Variants in CAMTA1 observed in about 807,000 individuals in gnomAD.
CAMTA1 encodes the protein calmodulin binding transcription activator 1.
CAMTA1 carries 27 observed loss-of-function variants against 170.9 expected under a neutral mutation model. That is an observed-to-expected ratio of 0.16 (90% CI 0.12 to 0.22). CAMTA1 has a LOEUF of 0.22. CAMTA1 is among the 10% of genes least tolerant of loss of function. CAMTA1 has a pLI of 1.00. For synonymous variants in CAMTA1, 833 were observed against 891.5 expected (o/e 0.93, Z 1.17); for missense variants, 1,619 against 2,217.2 (o/e 0.73, Z 5.42).
intron 5 of CAMTA1, among the ~76,000 whole-genome samples, chr1:7,432,361 T>C (rs757236499): frequency 1.3e-5 from 2 of 152,194 alleles, no homozygotes; most frequent in Non-Finnish European, 2.9e-5. Context: ...TAACTATAAA[T>C]TGGTGTCCCA....
At chr1:6,963,845 G>T (rs1231796705) in intron 3 of CAMTA1, among the ~76,000 whole-genome samples, 3 of 152,230 alleles carry the variant, frequency 2.0e-5, no homozygotes, top group Non-Finnish European at 2.9e-5. Context: ...CTAACAATGG[G>T]AAAGGGCCAG....
In CAMTA1 at chr1:7,337,358, C is replaced by T. The variant is rs1487046413; in HGVS notation, c.438+87732C>T. 3.3e-5 allele frequency among the ~76,000 whole-genome samples: 5 copies of T among 152,294 alleles called. No homozygotes were observed. The East Asian group carries it at 7.7e-4, about 24-fold the overall frequency. ...ATTTCATCTGTCAATTTGACCCGGC[C>T]GTGGTACCCAGATGTCGGTCAAACA... On this transcript the variant is annotated intron_variant, in intron 5 of 22. Coordinates refer to ENST00000303635, the MANE Select transcript of CAMTA1 (RefSeq NM_015215.4).
chr1:6,853,638 A>T (rs780668313), intron 3 of CAMTA1, among the ~76,000 whole-genome samples: 1 of 152,180 alleles, frequency 6.6e-6, no homozygotes, highest in Non-Finnish European at 1.5e-5. Context: ...TAAAAAGCAA[A>T]GATTGGGAAA....
At chr1:7,518,959 C>T (rs539321814) in intron 6 of CAMTA1, among the ~76,000 whole-genome samples, 1 of 152,096 alleles carries the variant, frequency 6.6e-6, no homozygotes, top group Admixed American at 6.5e-5. Context: ...GGGCCCCCGG[C>T]CCTGTGCCAG....
At position 7,472,758 on chromosome 1, in the gene CAMTA1, C is replaced by T. The variant is rs571199262; in HGVS notation, c.510+4857C>T. ...GCAGGGCACAGGGGTGCCATCACCC[C>T]CTAGAGCAGGCACCGTGAGACTAAG... On this transcript the variant is annotated intron_variant, in intron 6 of 22. Transcript: ENST00000303635. Among the ~76,000 whole-genome samples, 4 of 152,246 alleles carry T rather than the reference C, an allele frequency of 2.6e-5. No individual in the cohort carries two copies. The East Asian group carries it at 7.8e-4, about 30-fold the overall frequency.
At chr1:6,977,081 C>T (rs933268582) in intron 3 of CAMTA1, among the ~76,000 whole-genome samples, 2 of 152,166 alleles carry the variant, frequency 1.3e-5, no homozygotes, top group African/African-American at 4.8e-5. Context: ...TATCCAGTCT[C>T]GGGTCTGTCT....
intron 3 of CAMTA1, among the ~76,000 whole-genome samples, chr1:6,975,309 A>G (rs1035529106): frequency 6.6e-6 from 1 of 152,196 alleles, no homozygotes; most frequent in Admixed American, 6.5e-5. Context: ...TTCGGTAAAA[A>G]TTAAGAAGCA....
At chr1:6,795,355 GT>G (rs35720197) in intron 1 of CAMTA1, among the ~76,000 whole-genome samples, 31,767 of 149,190 alleles carry the variant, frequency 0.21, 3,954 homozygotes, top group Non-Finnish European at 0.28. Flanking sequence ...GGCTGCTTAG[GT>G]TTTTTTTTTC....
intron 3 of CAMTA1, among the ~76,000 whole-genome samples, chr1:6,957,624 C>T (rs1398834983): frequency 6.6e-6 from 1 of 152,160 alleles, no homozygotes; most frequent in Non-Finnish European, 1.5e-5. Context: ...TCTTCTGCCT[C>T]TTCTTTATCT....
rs1360086783 is a variant in CAMTA1 at position 7,325,939 on chromosome 1, A to G, written c.438+76313A>G. 2.6e-5 allele frequency among the ~76,000 whole-genome samples: 4 copies of G among 152,086 alleles called. No homozygotes were observed. Among genetic ancestry groups the G allele is most frequent in the Non-Finnish European group, 5.9e-5 (4 of 68,022 alleles). On this transcript the variant is annotated intron_variant, in intron 5 of 22. Coordinates refer to ENST00000303635, the MANE Select transcript of CAMTA1 (RefSeq NM_015215.4). The surrounding 1 kb of genome is among the most constrained non-coding windows in gnomAD (Gnocchi z 5.0). The stretch of plus-strand genomic sequence containing the variant: ...AGTGGTGTAATCTTGGCTCATTGCA[A>G]CCGCTGCCTCCCAGGTTCAAGTGAT...
intron 3 of CAMTA1, among the ~76,000 whole-genome samples, chr1:6,972,360 C>T (rs1692700067): frequency 2.0e-5 from 3 of 152,124 alleles, no homozygotes; most frequent in Admixed American, 2.0e-4. Flanking sequence ...TTTACTCATG[C>T]CTTTGAGTAA....
At chr1:6,813,944 G>A (rs902793025) in intron 1 of CAMTA1, among the ~76,000 whole-genome samples, 3 of 152,108 alleles carry the variant, frequency 2.0e-5, no homozygotes, top group African/African-American at 7.2e-5. Flanking sequence ...ACGAGAGACG[G>A]GACCATTTTT....
At chr1:6,954,955 C>T (rs546102960) in intron 3 of CAMTA1, among the ~76,000 whole-genome samples, 2 of 152,240 alleles carry the variant, frequency 1.3e-5, no homozygotes, top group South Asian at 2.1e-4. Flanking sequence ...GTCACCGTTT[C>T]GATTTCGCTT....
chr1:7,536,689 G>A (rs1274171387), intron 6 of CAMTA1, among the ~76,000 whole-genome samples: 3 of 151,896 alleles, frequency 2.0e-5, no homozygotes, highest in Non-Finnish European at 4.4e-5. Context: ...TGGTGCACTG[G>A]GCTGAGGTGT....
chr1:7,034,283 A>G (rs1301475700), intron 3 of CAMTA1, among the ~76,000 whole-genome samples: 1 of 152,256 alleles, frequency 6.6e-6, no homozygotes, highest in East Asian at 1.9e-4. Flanking sequence ...CAGCCTCCCA[A>G]GTAGCTGGGA....
At chr1:7,453,235 G>A (rs552845067) in intron 5 of CAMTA1, among the ~76,000 whole-genome samples, 1 of 152,224 alleles carries the variant, frequency 6.6e-6, no homozygotes, top group African/African-American at 2.4e-5. Flanking sequence ...GGAGGTTCAC[G>A]GGAGGAGGCT....
At chr1:7,705,551 G>C (rs995128680) in intron 11 of CAMTA1, among the ~76,000 whole-genome samples, 1 of 150,728 alleles carries the variant, frequency 6.6e-6, no homozygotes, top group Non-Finnish European at 1.5e-5. Flanking sequence ...GGGGCGCGCG[G>C]GGGCCCGGCC....
rs962867927 is a variant in CAMTA1, at chr1:7,076,081, T to C, written c.235-15223T>C. 3.7e-4 allele frequency among the ~76,000 whole-genome samples: 56 copies of C among 152,088 alleles called. 1 individual carries two copies. Among genetic ancestry groups the C allele is most frequent in the African/African-American group, 1.3e-3 (53 of 41,394 alleles). On this transcript the variant is annotated intron_variant, in intron 3 of 22. Transcript: ENST00000303635. ...TGTTCCCTTTAATGCTTGACCCAGA[T>C]CTCCAGGGAATTAGTGGAACTTTAA...
rs558993193 is a variant in CAMTA1, at chr1:6,793,489, A to G, written c.45+7914A>G. ...ACATGTCTAAGAGAATGGGGAGCTA[A>G]CTTCCAGTAAGGGCAGTACAGTCAG... On this transcript the variant is annotated intron_variant, in intron 1 of 22. Coordinates refer to ENST00000303635, the MANE Select transcript of CAMTA1 (RefSeq NM_015215.4). Among the ~76,000 whole-genome samples, 5 of 152,340 alleles carry G rather than the reference A, an allele frequency of 3.3e-5. No individual in the cohort carries two copies. The South Asian group carries it at 1.0e-3, about 32-fold the overall frequency.
Sources: allele counts gnomAD v4.1 joint callset (sites outside exome capture counted in the v4.1 genomes callset), GRCh38; gene constraint gnomAD v4.1.1; non-coding constraint Gnocchi (gnomAD v3.1); transcripts MANE v1.5; gene names NCBI Gene and HGNC (gene_info 2026-07-23, HGNC 2026-07-21).